CDH9: variants seen among roughly 807,000 people sequenced by gnomAD.
CDH9 encodes the protein cadherin 9, also known as cadherin-9.
CDH9 carries 28 observed loss-of-function variants against 70.9 expected under a neutral mutation model. That is an observed-to-expected ratio of 0.40 (90% CI 0.29 to 0.54). The LOEUF (loss-of-function observed/expected upper bound fraction) is 0.54. CDH9 is among the 20% of genes least tolerant of loss of function. The pLI, the probability that CDH9 is intolerant of heterozygous loss-of-function variation, is 0.59. For missense variants in CDH9, 874 were observed against 984.4 expected (o/e 0.89, Z 1.50); for synonymous variants, 409 against 343.1 (o/e 1.19, Z -2.12).
intron 1 of CDH9, among the ~76,000 whole-genome samples, chr5:27,019,003 T>C (rs1212534268): frequency 1.3e-5 from 2 of 152,056 alleles, no homozygotes; most frequent in Non-Finnish European, 2.9e-5. Flanking sequence ...TATATTATTA[T>C]GTCCTATTAT....
intron 1 of CDH9, among the ~76,000 whole-genome samples, chr5:27,005,901 G>A (rs963273063): frequency 3.3e-5 from 5 of 152,076 alleles, no homozygotes; most frequent in East Asian, 3.9e-4. Context: ...ATTATCCTAC[G>A]CAAGCTGATG....
intron 1 of CDH9, among the ~76,000 whole-genome samples, chr5:27,021,386 A>G (rs1335412198): frequency 1.3e-5 from 2 of 151,854 alleles, no homozygotes; most frequent in Non-Finnish European, 2.9e-5. Flanking sequence ...AATAATAAAA[A>G]TATATTACAA....
At chr5:27,005,471 C>T (rs1022319780) in intron 1 of CDH9, among the ~76,000 whole-genome samples, 1 of 152,074 alleles carries the variant, frequency 6.6e-6, no homozygotes, top group African/African-American at 2.4e-5. Flanking sequence ...AATAAGACCC[C>T]ATCTCACAAC....
intron 6 of CDH9, chr5:26,903,274 G>T (rs1180058373): frequency 6.0e-6 from 2 of 333,430 alleles, no homozygotes; most frequent in Non-Finnish European, 1.1e-5. Flanking sequence ...GCATCTTCAG[G>T]TTTTATTTAT....
intron 1 of CDH9, among the ~76,000 whole-genome samples, chr5:27,024,936 T>G (rs964401135): frequency 2.0e-5 from 3 of 152,052 alleles, no homozygotes; most frequent in African/African-American, 4.8e-5. Context: ...CCATATCACT[T>G]ACAATGCAGC....
At chr5:27,027,585 C>T (rs1743240818) in intron 1 of CDH9, among the ~76,000 whole-genome samples, 1 of 152,054 alleles carries the variant, frequency 6.6e-6, no homozygotes, top group African/African-American at 2.4e-5. Context: ...TTCTCAAACT[C>T]ACACATGAAG....
intron 2 of CDH9, among the ~76,000 whole-genome samples, chr5:26,932,595 AT>A (rs758730113): frequency 2.8e-4 from 43 of 151,992 alleles, no homozygotes; most frequent in Admixed American, 1.6e-3. Context: ...ATCTTCTTTG[AT>A]TAGAGTTAGC....
At chr5:26,889,652 A>C (rs918749583) in intron 9 of CDH9, among the ~76,000 whole-genome samples, 184 bp downstream of exon 9, 1 of 147,356 alleles carries the variant, frequency 6.8e-6, no homozygotes, top group African/African-American at 2.4e-5. Flanking sequence ...TGATTCCATT[A>C]TAAAAACATT....
chr5:26,925,643 G>GAAAACC (rs1741324035), intron 2 of CDH9, among the ~76,000 whole-genome samples: 1 of 152,040 alleles, frequency 6.6e-6, no homozygotes, highest in Non-Finnish European at 1.5e-5. Context: ...GTCCTAAATG[G>GAAAACC]TATTGCCTAG....
intron 2 of CDH9, among the ~76,000 whole-genome samples, chr5:26,954,989 T>G (rs1168744444): frequency 6.6e-6 from 1 of 152,118 alleles, no homozygotes; most frequent in East Asian, 1.9e-4. Context: ...GGCCTGTGGT[T>G]GTACCACTAC....
chr5:26,923,069 T>TAAAAAAA (rs56883597), intron 2 of CDH9, among the ~76,000 whole-genome samples: 7 of 95,050 alleles, frequency 7.4e-5, no homozygotes, highest in Admixed American at 1.1e-4. Flanking sequence ...TTACATGAAT[T>TAAAAAAA]AAAAAAAAAA....
intron 1 of CDH9, among the ~76,000 whole-genome samples, chr5:27,024,810 T>C (rs1049104709): frequency 6.6e-6 from 1 of 152,100 alleles, no homozygotes; most frequent in African/African-American, 2.4e-5. Flanking sequence ...TATTTAGGTA[T>C]ACTAGAGTTG....
At chr5:26,947,405 C>T (rs964183283) in intron 2 of CDH9, among the ~76,000 whole-genome samples, 1 of 152,150 alleles carries the variant, frequency 6.6e-6, no homozygotes, top group African/African-American at 2.4e-5. Context: ...TATAATCCAA[C>T]TGTTCAATGA....
In CDH9 at chr5:26,988,393, A is replaced by C; in HGVS notation, c.-49-11T>G. 1 of 1,570,154 alleles carries C rather than the reference A, an allele frequency of 6.4e-7. No homozygotes were observed. The highest frequency in any genetic ancestry group is 8.6e-7 in the Non-Finnish European group (1 of 1,158,198). The stretch of plus-strand genomic sequence containing the variant: ...TATTGTTTGTTTTTCCTAAAGAGTA[A>C]GGAGAAAAAAAATGGCTGTATTAGC... On this transcript the variant is annotated splice_polypyrimidine_tract_variant and intron_variant, in intron 1 of 11. Transcript: ENST00000231021.
At chr5:26,963,047 AT>A (rs1396460110) in intron 2 of CDH9, among the ~76,000 whole-genome samples, 35 of 152,236 alleles carry the variant, frequency 2.3e-4, no homozygotes, top group Admixed American at 1.4e-3. Context: ...ATGTTAAAAA[AT>A]AACCCATGTT....
chr5:26,890,706 T>C, intron 7 of CDH9, 142 bp from the exon 8 acceptor site: 1 of 616,522 alleles, frequency 1.6e-6, no homozygotes, highest in East Asian at 2.7e-5. Flanking sequence ...AATTTTTATT[T>C]TATAGAATTG....
chr5:27,001,629 T>G (rs573984514), intron 1 of CDH9, among the ~76,000 whole-genome samples: 1 of 152,118 alleles, frequency 6.6e-6, no homozygotes, highest in Non-Finnish European at 1.5e-5. Context: ...ATATATATTC[T>G]TTACTCTGTC....
intron 1 of CDH9, among the ~76,000 whole-genome samples, chr5:26,989,918 C>A (rs1742552660): frequency 6.6e-6 from 1 of 152,062 alleles, no homozygotes; most frequent in Non-Finnish European, 1.5e-5. Context: ...TTTATCAATA[C>A]AAAGTAATAG....
At chr5:26,902,202 C>T (rs1740866920) in intron 7 of CDH9, among the ~76,000 whole-genome samples, 1 of 151,780 alleles carries the variant, frequency 6.6e-6, no homozygotes, top group East Asian at 1.9e-4. Flanking sequence ...CAGTTTTATC[C>T]TCCCCAAAAA....
Sources: allele counts gnomAD v4.1 joint callset (sites outside exome capture counted in the v4.1 genomes callset), GRCh38; gene constraint gnomAD v4.1.1; transcripts MANE v1.5; gene names NCBI Gene and HGNC (gene_info 2026-07-23, HGNC 2026-07-21).